The following CISD2 variants were observed in gnomAD, a reference collection of about 807,000 sequenced individuals.
CISD2 encodes the protein CDGSH iron-sulfur domain-containing protein 2.
A neutral mutation model predicts 12.9 loss-of-function variants in CISD2; 1 was observed. That is an observed-to-expected ratio of 0.08 (90% CI 0.03 to 0.37). The LOEUF is 0.37. Among genes scored for constraint, CISD2 ranks in the 10% least tolerant of loss-of-function variants. The pLI is 0.99. For synonymous variants in CISD2, 50 were observed against 60.6 expected (o/e 0.83, Z 0.81); for missense variants, 97 against 163.1 (o/e 0.59, Z 2.21).
chr4:102,882,571 C>T (rs1362281307), intron 1 of CISD2, among the ~76,000 whole-genome samples: 1 of 152,144 alleles, frequency 6.6e-6, no homozygotes, highest in Non-Finnish European at 1.5e-5. Context: ...GTAGCATTGT[C>T]CAGTAAAACT....
rs1734148467 is a variant in CISD2 at position 102,889,864 on chromosome 4, G to A, written c.*2434G>A. ...AATAACCAAATGTATTTGAATTGAT[G>A]CAGTGTAAGTAACTTGTAGAACTTG... On this transcript the variant is annotated 3_prime_UTR_variant, in exon 3 of 3. Coordinates refer to ENST00000273986, the MANE Select transcript of CISD2 (RefSeq NM_001008388.5). The A allele has an allele frequency of 6.6e-6, 1 of 152,090 alleles. No homozygotes were observed. The highest frequency in any genetic ancestry group is 1.5e-5 in the Non-Finnish European group (1 of 68,026). The allele number at this position is 152,090 out of a possible 1,614,324, so 9.4% of individuals were successfully genotyped here. A position where few individuals can be genotyped will look rare whatever the true frequency, so the allele number is the denominator to read the frequency against.
intron 1 of CISD2, among the ~76,000 whole-genome samples, chr4:102,877,538 CTGT>C (rs2110394881): frequency 6.6e-6 from 1 of 152,348 alleles, no homozygotes; most frequent in South Asian, 2.1e-4. Context: ...ATGGTGCAAG[CTGT>C]TGTTAGATAT....
At chr4:102,874,503 T>G (rs1733545798) in intron 1 of CISD2, 1 of 152,140 alleles carries the variant, frequency 6.6e-6, no homozygotes, top group Non-Finnish European at 1.5e-5. Context: ...TAAAATATTT[T>G]AAAAAGGAAA....
intron 1 of CISD2, among the ~76,000 whole-genome samples, chr4:102,871,233 G>C (rs1235408419): frequency 1.3e-5 from 2 of 152,162 alleles, no homozygotes; most frequent in Non-Finnish European, 2.9e-5. Flanking sequence ...CTAGATTTTA[G>C]AAGTATGCTT....
intron 1 of CISD2, among the ~76,000 whole-genome samples, chr4:102,872,009 G>T (rs1733465450): frequency 6.6e-6 from 1 of 152,216 alleles, no homozygotes; most frequent in South Asian, 2.1e-4. Context: ...CTTTGTTTAT[G>T]TCACATTTTC....
In CISD2 at chr4:102,879,370, G is replaced by A. The variant is rs557387608; in HGVS notation, c.104-5846G>A. Among the ~76,000 whole-genome samples the A allele has an allele frequency of 1.3e-4, 20 of 152,136 alleles. No individual in the cohort carries two copies. In the South Asian group the frequency reaches 4.2e-3, roughly 32 times the overall value. On this transcript the variant is annotated intron_variant, in intron 1 of 2. Coordinates refer to ENST00000273986, the MANE Select transcript of CISD2 (RefSeq NM_001008388.5). ...GCACTTAATAAAAATCAGAAGGGGG[G>A]GATTGATTGGGAAAGTACTACAAGA...
chr4:102,873,685 C>T (rs996112738), intron 1 of CISD2, among the ~76,000 whole-genome samples: 1 of 135,000 alleles, frequency 7.4e-6, no homozygotes, highest in Non-Finnish European at 1.5e-5. Flanking sequence ...TTGCTTGAGT[C>T]GTGGCACTAC....
chr4:102,869,389 G>A lies in CISD2; in HGVS notation c.103+202G>A, dbSNP rs765910285. 5 of 738,896 alleles carry A rather than the reference G, an allele frequency of 6.8e-6. 1 individual carries two copies. In the South Asian group the frequency reaches 7.3e-5, roughly 11 times the overall value. 45.8% of individuals were successfully genotyped at this position (738,896 alleles called of 1,614,324 possible). On this transcript the variant is annotated intron_variant, in intron 1 of 2. Coordinates refer to ENST00000273986, the MANE Select transcript of CISD2 (RefSeq NM_001008388.5). ...AGTCTCCGGGTGCTTGATGCCCCAG[G>A]GTCTTTTGTCCTCGGAGTTGTCTCC...
intron 1 of CISD2, 180 bp downstream of exon 1, chr4:102,869,367 C>T (rs991873510): frequency 7.5e-6 from 6 of 803,950 alleles, no homozygotes; most frequent in African/African-American, 1.7e-5. Flanking sequence ...GTGAGGCAGT[C>T]TCCGGGTGCT....
At chr4:102,878,147 AAGG>A (rs1260116512) in intron 1 of CISD2, among the ~76,000 whole-genome samples, 1 of 146,948 alleles carries the variant, frequency 6.8e-6, no homozygotes, top group Non-Finnish European at 1.5e-5. Flanking sequence ...GGGCGGGGGG[AAGG>A]AGGGGGACAG....
At chr4:102,879,446 A>G (rs1733665238) in intron 1 of CISD2, among the ~76,000 whole-genome samples, 1 of 152,134 alleles carries the variant, frequency 6.6e-6, no homozygotes, top group Admixed American at 6.5e-5. Context: ...TGGTGTTTAT[A>G]GGTCCATATA....
chr4:102,875,612 C>T (rs1304098800), intron 1 of CISD2, among the ~76,000 whole-genome samples: 2 of 152,180 alleles, frequency 1.3e-5, no homozygotes, highest in Non-Finnish European at 2.9e-5. Context: ...TAGGAATTAT[C>T]TCAAATGCCA....
At position 102,888,048 on chromosome 4, in the gene CISD2, TTGTGTCTGTGTG is replaced by T. The variant is rs1419486265; in HGVS notation, c.*624_*635del. On this transcript the variant is annotated 3_prime_UTR_variant, in exon 3 of 3. Coordinates refer to ENST00000273986, the MANE Select transcript of CISD2 (RefSeq NM_001008388.5). ...AAGATTTGTTTACTTTACAAAAGGCTTGTGTCTGTGTGTGTGTGTGTGTGTGTGTGTGTGTAT... is the reference window on the plus strand; with the variant it reads ...AAGATTTGTTTACTTTACAAAAGGCTTGTGTGTGTGTGTGTGTGTGTGTAT... The T allele has an allele frequency of 8.0e-6, 1 of 125,442 alleles. No individual in the cohort carries two copies. The allele number at this position is 125,442 out of a possible 1,614,324, so 7.8% of individuals were successfully genotyped here.
chr4:102,877,491 A>G (rs1243644499), intron 1 of CISD2, among the ~76,000 whole-genome samples: 1 of 152,140 alleles, frequency 6.6e-6, no homozygotes, highest in Non-Finnish European at 1.5e-5. Flanking sequence ...AGCTCCTTCA[A>G]GGGCTGGCAT....
chr4:102,870,499 T>C (rs1490798222), intron 1 of CISD2, among the ~76,000 whole-genome samples: 1 of 152,218 alleles, frequency 6.6e-6, no homozygotes, highest in African/African-American at 2.4e-5. Flanking sequence ...ACAGACGCTC[T>C]GTTGAGTGGA....
At chr4:102,871,960 A>G (rs77794105) in intron 1 of CISD2, among the ~76,000 whole-genome samples, 2,795 of 152,200 alleles carry the variant, frequency 0.018, 82 homozygotes, top group African/African-American at 0.061. Context: ...TACTAGTTAA[A>G]TACAGGCAGT....
chr4:102,882,174 G>A (rs1340437386), intron 1 of CISD2, among the ~76,000 whole-genome samples: 1 of 152,070 alleles, frequency 6.6e-6, no homozygotes, highest in Non-Finnish European at 1.5e-5. Flanking sequence ...CTGGGCAATG[G>A]AAGTGAAACC....
intron 1 of CISD2, chr4:102,874,598 G>C (rs977239358): frequency 6.6e-6 from 1 of 152,212 alleles, no homozygotes; most frequent in Admixed American, 6.5e-5. Flanking sequence ...GGACACCACA[G>C]CTTCTCCCTC....
chr4:102,886,470 G>A (rs1423515188), intron 2 of CISD2, among the ~76,000 whole-genome samples: 4 of 151,738 alleles, frequency 2.6e-5, no homozygotes, highest in East Asian at 3.9e-4. Flanking sequence ...CAGCCTGGGC[G>A]ACAAGGTGAG....
Sources: allele counts gnomAD v4.1 joint callset (sites outside exome capture counted in the v4.1 genomes callset), GRCh38; gene constraint gnomAD v4.1.1; transcripts MANE v1.5; gene names NCBI Gene and HGNC (gene_info 2026-07-23, HGNC 2026-07-21).